NXPE2: variants seen among roughly 807,000 people sequenced by gnomAD.
The protein encoded by NXPE2 is NXPE family member 2.
In NXPE2, 34 loss-of-function variants were observed where a neutral mutation model predicts 34.4. That is an observed-to-expected ratio of 0.99 (90% CI 0.75 to 1.31). The LOEUF is 1.31. Among genes scored for constraint, NXPE2 ranks in the 40% most tolerant of loss-of-function variants. The probability of loss-of-function intolerance (pLI) is 0.00; values close to 1 mark genes in which losing one functional copy is unlikely to be tolerated. For synonymous variants in NXPE2, 235 were observed against 231.3 expected (o/e 1.02, Z -0.15); for missense variants, 649 against 672.5 (o/e 0.97, Z 0.39).
the NXPE2 span, among the ~76,000 whole-genome samples, chr11:114,670,892 G>C: frequency 6.6e-6 from 1 of 151,340 alleles, no homozygotes; most frequent in Non-Finnish European, 1.5e-5. Flanking sequence ...CCTCTGAGAG[G>C]GCCAAGTTGT....
chr11:114,721,363 T>C, the NXPE2 span, among the ~76,000 whole-genome samples: 3 of 151,998 alleles, frequency 2.0e-5, no homozygotes, highest in East Asian at 3.9e-4. Flanking sequence ...ACTTTAGTGA[T>C]TGAGCAAATC....
the NXPE2 span, among the ~76,000 whole-genome samples, chr11:114,586,643 T>C: frequency 2.0e-5 from 3 of 151,976 alleles, no homozygotes; most frequent in African/African-American, 7.2e-5. Flanking sequence ...CTGGAAGAGG[T>C]TGAGAGGCAC....
the NXPE2 span, among the ~76,000 whole-genome samples, chr11:114,578,336 T>C: frequency 6.6e-6 from 1 of 152,198 alleles, no homozygotes; most frequent in South Asian, 2.1e-4. Context: ...GTACAACAGT[T>C]GTTTTTCTAT....
the NXPE2 span, among the ~76,000 whole-genome samples, chr11:114,516,999 A>G: frequency 1.3e-5 from 2 of 152,212 alleles, no homozygotes; most frequent in African/African-American, 2.4e-5. Context: ...TCTCTATATC[A>G]TCGTTAATGA....
the NXPE2 span, among the ~76,000 whole-genome samples, chr11:114,486,103 C>T: frequency 3.9e-5 from 6 of 152,264 alleles, no homozygotes; most frequent in Admixed American, 3.3e-4. Flanking sequence ...AATTTACATT[C>T]CCACCAACAG....
chr11:114,629,030 A>G, the NXPE2 span, among the ~76,000 whole-genome samples: 5 of 152,122 alleles, frequency 3.3e-5, no homozygotes, highest in African/African-American at 7.2e-5. Flanking sequence ...GCAATAATCA[A>G]TAGCTTACCA....
chr11:114,670,097 C>A, the NXPE2 span, among the ~76,000 whole-genome samples: 1 of 151,988 alleles, frequency 6.6e-6, no homozygotes, highest in Non-Finnish European at 1.5e-5. Flanking sequence ...TCAAAAACTG[C>A]CCCTCAAAGG....
chr11:114,488,941 A>G, the NXPE2 span, among the ~76,000 whole-genome samples: 2 of 152,184 alleles, frequency 1.3e-5, no homozygotes, highest in Non-Finnish European at 2.9e-5. Context: ...GAAAAGATCA[A>G]CAAAATTGAT....
the NXPE2 span, among the ~76,000 whole-genome samples, chr11:114,517,150 G>A: frequency 2.6e-5 from 4 of 152,140 alleles, no homozygotes; most frequent in African/African-American, 9.7e-5. Context: ...CTGCTTCAAT[G>A]TCTTCTCTGT....
At chr11:114,601,717 A>ATATTAT in the NXPE2 span, among the ~76,000 whole-genome samples, 1 of 69,238 alleles carries the variant, frequency 1.4e-5, no homozygotes, top group African/African-American at 5.8e-5. Flanking sequence ...TATATTATAT[A>ATATTAT]TTATAATTAT....
chr11:114,697,957 A>G, intron 2 of NXPE2, 88 bp from the exon 3 acceptor site: 1 of 1,196,984 alleles, frequency 8.4e-7, no homozygotes, highest in South Asian at 2.1e-5. Flanking sequence ...TCACACTGAA[A>G]GATGTAAAAT....
chr11:114,552,855 A>G, the NXPE2 span: 1 of 974,322 alleles, frequency 1.0e-6, no homozygotes, highest in Non-Finnish European at 1.2e-6. Context: ...TACTTACCCA[A>G]TAGGTGTCAG....
the NXPE2 span, among the ~76,000 whole-genome samples, chr11:114,747,878 T>C: frequency 1.3e-5 from 2 of 152,330 alleles, no homozygotes; most frequent in Non-Finnish European, 2.9e-5. Flanking sequence ...TGATATATTA[T>C]CAAGTACAGT....
the NXPE2 span, among the ~76,000 whole-genome samples, chr11:114,758,626 G>T: frequency 6.6e-6 from 1 of 152,024 alleles, no homozygotes; most frequent in South Asian, 2.1e-4. Flanking sequence ...TGGAGATCTG[G>T]GCTAGAATCA....
At chr11:114,566,697 T>TTCTC in the NXPE2 span, among the ~76,000 whole-genome samples, 499 of 150,496 alleles carry the variant, frequency 3.3e-3, 2 homozygotes, top group African/African-American at 0.011. Context: ...ATCAAGGGAT[T>TTCTC]TCTCTCTCTC....
chr11:114,570,628 A>ATG, the NXPE2 span: 1 of 197,892 alleles, frequency 5.1e-6, no homozygotes, highest in Non-Finnish European at 1.0e-5. Flanking sequence ...TTACTTTATC[A>ATG]CTCTGAGTTT....
At chr11:114,528,894 G>T in the NXPE2 span, 208 of 598,086 alleles carry the variant, frequency 3.5e-4, no homozygotes, top group African/African-American at 3.6e-3. Context: ...AAGGATGGTT[G>T]ATGGGTAGGA....
chr11:114,625,097 GATA>G, the NXPE2 span, among the ~76,000 whole-genome samples: 1 of 152,148 alleles, frequency 6.6e-6, no homozygotes, highest in Non-Finnish European at 1.5e-5. Flanking sequence ...TTACCTGGTG[GATA>G]ATAAGTATTG....
At chr11:114,543,091 A>C in the NXPE2 span, among the ~76,000 whole-genome samples, 18 of 152,146 alleles carry the variant, frequency 1.2e-4, no homozygotes, top group East Asian at 3.5e-3. Flanking sequence ...CTGTCTCTAC[A>C]AAATACATAA....
Sources: gnomAD v4.1 joint callset for allele counts (sites outside exome capture counted in the v4.1 genomes callset) on GRCh38, gnomAD v4.1.1 for gene constraint, MANE v1.5 for transcripts, NCBI Gene and HGNC (gene_info 2026-07-23, HGNC 2026-07-21) for gene names.